The following ALK variants were observed in gnomAD, a reference collection of about 807,000 sequenced individuals.
ALK encodes ALK receptor tyrosine kinase.
In ALK, 74 loss-of-function variants were observed where a neutral mutation model predicts 163.1. That is an observed-to-expected ratio of 0.45 (90% CI 0.38 to 0.55). The LOEUF (loss-of-function observed/expected upper bound fraction) is 0.55. Ranked by LOEUF, ALK falls within the 20% of genes least tolerant of loss-of-function variation. The pLI is 0.00. For missense variants in ALK, 2,063 were observed against 2,105.3 expected (o/e 0.98, Z 0.39); for synonymous variants, 960 against 843.2 (o/e 1.14, Z -2.40).
intron 12 of ALK, among the ~76,000 whole-genome samples, chr2:29,240,874 C>G (rs190385701): frequency 4.9e-4 from 74 of 152,304 alleles, no homozygotes; most frequent in African/African-American, 1.7e-3. Context: ...GATCCAAGGT[C>G]TTTTACAAAA....
intron 4 of ALK, among the ~76,000 whole-genome samples, chr2:29,514,347 G>C (rs924875923): frequency 2.7e-5 from 4 of 150,416 alleles, no homozygotes; most frequent in African/African-American, 7.4e-5. Flanking sequence ...CATGTCCTTT[G>C]TAGGGACATG....
At chr2:29,513,705 A>G (rs1187667282) in intron 4 of ALK, among the ~76,000 whole-genome samples, 1 of 150,894 alleles carries the variant, frequency 6.6e-6, no homozygotes, top group Non-Finnish European at 1.5e-5. Flanking sequence ...CATCAGAGTG[A>G]ACAGGCAACC....
intron 3 of ALK, among the ~76,000 whole-genome samples, chr2:29,639,855 C>T (rs1400397356): frequency 6.6e-6 from 1 of 152,220 alleles, no homozygotes; most frequent in Non-Finnish European, 1.5e-5. Flanking sequence ...TCTTCGACAA[C>T]ATCCTATGAA....
intron 9 of ALK, among the ~76,000 whole-genome samples, chr2:29,287,677 T>A (rs1665897126): frequency 6.6e-6 from 1 of 152,048 alleles, no homozygotes. Context: ...GCAGAAGTGA[T>A]GATTCATAAA....
intron 3 of ALK, among the ~76,000 whole-genome samples, chr2:29,617,210 A>G (rs1675871301): frequency 6.6e-6 from 1 of 152,188 alleles, no homozygotes; most frequent in African/African-American, 2.4e-5. Context: ...AGCTATGAGG[A>G]AATTACACCA....
chr2:29,420,954 G>A (rs1405596460), intron 4 of ALK, among the ~76,000 whole-genome samples: 2 of 151,490 alleles, frequency 1.3e-5, no homozygotes, highest in African/African-American at 2.5e-5. Flanking sequence ...GAGGTCGCAT[G>A]TTCTCCCCAT....
intron 1 of ALK, among the ~76,000 whole-genome samples, chr2:29,858,757 G>A (rs1490555184): frequency 1.4e-5 from 2 of 147,964 alleles, no homozygotes; most frequent in East Asian, 2.0e-4. Context: ...ACAAAAACAA[G>A]GTCAGGTGCT....
chr2:29,431,330 A>G (rs1670267738), intron 4 of ALK, among the ~76,000 whole-genome samples: 1 of 152,208 alleles, frequency 6.6e-6, no homozygotes, highest in African/African-American at 2.4e-5. Context: ...AAGACAGAGG[A>G]CCACAGTGTG....
intron 8 of ALK, among the ~76,000 whole-genome samples, chr2:29,313,334 T>C (rs1666742818): frequency 6.6e-6 from 1 of 152,198 alleles, no homozygotes; most frequent in South Asian, 2.1e-4. Flanking sequence ...GGGCCGAGAA[T>C]GAGGCCCACC....
At chr2:29,804,225 A>T (rs1166277475) in intron 1 of ALK, among the ~76,000 whole-genome samples, 1 of 152,244 alleles carries the variant, frequency 6.6e-6, no homozygotes, top group Non-Finnish European at 1.5e-5. Context: ...TTTCCAAGTG[A>T]AAGTTAAAAG....
intron 4 of ALK, among the ~76,000 whole-genome samples, chr2:29,404,041 C>T (rs987952164): frequency 1.4e-4 from 21 of 152,228 alleles, no homozygotes; most frequent in Admixed American, 8.5e-4. Context: ...TGTTAGCTCA[C>T]GCCTGTAATC....
chr2:29,666,561 A>G (rs1677519923), intron 3 of ALK, among the ~76,000 whole-genome samples: 2 of 152,048 alleles, frequency 1.3e-5, no homozygotes, highest in Non-Finnish European at 2.9e-5. Flanking sequence ...TCAATTATTC[A>G]TGTATGACCT....
At chr2:29,620,112 G>A (rs1394565056) in intron 3 of ALK, among the ~76,000 whole-genome samples, 3 of 152,310 alleles carry the variant, frequency 2.0e-5, no homozygotes, top group Non-Finnish European at 1.5e-5. Context: ...AGTATTAAAA[G>A]TAGGAAAAAC....
intron 11 of ALK, among the ~76,000 whole-genome samples, chr2:29,267,893 C>T (rs1309168249): frequency 6.6e-6 from 1 of 152,194 alleles, no homozygotes; most frequent in Non-Finnish European, 1.5e-5. Context: ...ACTTAATGCA[C>T]TTGCCCTGAT....
chr2:29,504,170 T>C (rs11693154), intron 4 of ALK, among the ~76,000 whole-genome samples: 24,271 of 151,840 alleles, frequency 0.16, 2,679 homozygotes, highest in African/African-American at 0.31. Flanking sequence ...GGTGACAGTA[T>C]AGAGCCAAGG....
At chr2:29,644,133 C>T (rs1226008438) in intron 3 of ALK, among the ~76,000 whole-genome samples, 1 of 151,126 alleles carries the variant, frequency 6.6e-6, no homozygotes, top group African/African-American at 2.4e-5. Flanking sequence ...TCATTCTCAG[C>T]AAACTATCGC....
chr2:29,220,965 G>A (rs1265342643), intron 22 of ALK, 130 bp from the exon 23 acceptor site: 3 of 1,310,320 alleles, frequency 2.3e-6, no homozygotes, highest in Non-Finnish European at 3.2e-6. Context: ...GTAAACATGG[G>A]CAGCAGGGGT....
chr2:29,744,489 G>T, intron 1 of ALK, among the ~76,000 whole-genome samples: 1 of 152,228 alleles, frequency 6.6e-6, no homozygotes, highest in Middle Eastern at 3.4e-3. Flanking sequence ...ACTCTAGCTC[G>T]CTTGGGTCAT....
chr2:29,837,021 C>G (rs116135875), intron 1 of ALK, among the ~76,000 whole-genome samples: 1 of 152,170 alleles, frequency 6.6e-6, no homozygotes, highest in Non-Finnish European at 1.5e-5. Context: ...ACTGTAATCC[C>G]TGATCCCACT....
Sources: gnomAD v4.1 joint callset for allele counts (sites outside exome capture counted in the v4.1 genomes callset) on GRCh38, gnomAD v4.1.1 for gene constraint, MANE v1.5 for transcripts, NCBI Gene and HGNC (gene_info 2026-07-23, HGNC 2026-07-21) for gene names.